Variants in SH3RF2 observed in about 807,000 individuals in gnomAD.
SH3RF2 encodes the protein SH3 domain containing ring finger 2.
In SH3RF2, 43 loss-of-function variants were observed where a neutral mutation model predicts 59.0. The ratio of observed to expected loss-of-function variants is 0.73; its 90% CI spans 0.57 to 0.94. The LOEUF (loss-of-function observed/expected upper bound fraction) is 0.94. SH3RF2 is among the 40% of genes least tolerant of loss of function. SH3RF2 has a pLI of 0.00. For missense variants in SH3RF2, 930 were observed against 940.1 expected (o/e 0.99, Z 0.14); for synonymous variants, 391 against 391.5 (o/e 1.00, Z 0.01).
exon 10 of SH3RF2, chr5:146,081,415 A>G (rs1236842431): frequency 6.6e-6 from 1 of 152,080 alleles, no homozygotes; most frequent in African/African-American, 2.4e-5. Flanking sequence ...ATTCTGTTTT[A>G]TGTTCTGTGA....
intron 5 of SH3RF2, among the ~76,000 whole-genome samples, chr5:146,022,205 G>A (rs911353488): frequency 5.3e-5 from 8 of 152,042 alleles, no homozygotes; most frequent in African/African-American, 1.5e-4. Context: ...TCCCCTCTTC[G>A]GTTATTTTAT....
At chr5:145,955,668 C>T (rs1025967989) in intron 2 of SH3RF2, among the ~76,000 whole-genome samples, 1 of 152,166 alleles carries the variant, frequency 6.6e-6, no homozygotes, top group African/African-American at 2.4e-5. Context: ...CCCACTCTCC[C>T]TGTCTTTGTC....
chr5:146,029,963 C>T (rs1403826028), intron 5 of SH3RF2, among the ~76,000 whole-genome samples: 1 of 152,174 alleles, frequency 6.6e-6, no homozygotes, highest in Non-Finnish European at 1.5e-5. Flanking sequence ...GAAAATTGCA[C>T]AACTAAATGC....
chr5:145,960,413 G>A (rs1449881284), intron 2 of SH3RF2, among the ~76,000 whole-genome samples: 1 of 152,194 alleles, frequency 6.6e-6, no homozygotes, highest in African/African-American at 2.4e-5. Context: ...TACCGGCCTA[G>A]AAAAGAAGGA....
chr5:145,936,798 T>G (rs1757605652), intron 1 of SH3RF2, 104 bp downstream of exon 1: 1 of 152,324 alleles, frequency 6.6e-6, no homozygotes, highest in Non-Finnish European at 1.5e-5. Context: ...GTCGTGTCTG[T>G]CCTGCTTACT....
chr5:146,018,679 T>C (rs768920419), intron 5 of SH3RF2, among the ~76,000 whole-genome samples: 1 of 152,154 alleles, frequency 6.6e-6, no homozygotes, highest in African/African-American at 2.4e-5. Flanking sequence ...ATGGTAGATC[T>C]ATTTTCAGTT....
intron 4 of SH3RF2, among the ~76,000 whole-genome samples, chr5:146,011,628 TTC>T (rs1413099022): frequency 3.3e-5 from 5 of 152,336 alleles, no homozygotes; most frequent in African/African-American, 1.2e-4. Context: ...AGGTATTTTA[TTC>T]TCTTTGAAGC....
intron 2 of SH3RF2, among the ~76,000 whole-genome samples, chr5:145,947,254 A>C (rs888815097): frequency 6.6e-6 from 1 of 151,844 alleles, no homozygotes; most frequent in African/African-American, 2.4e-5. Flanking sequence ...ATGTATTCCA[A>C]TTTTCTGCTG....
chr5:146,010,653 G>C (rs928885148), intron 4 of SH3RF2, among the ~76,000 whole-genome samples: 1 of 152,160 alleles, frequency 6.6e-6, no homozygotes, highest in African/African-American at 2.4e-5. Context: ...TTTTTCATGT[G>C]TCTTTTTGCT....
intron 2 of SH3RF2, among the ~76,000 whole-genome samples, chr5:145,968,126 T>C (rs954748644): frequency 2.6e-5 from 4 of 152,254 alleles, no homozygotes; most frequent in Non-Finnish European, 5.9e-5. Flanking sequence ...AGAGGGTCCA[T>C]GATACCCAAA....
chr5:146,070,696 C>G (rs1185936588), intron 9 of SH3RF2, among the ~76,000 whole-genome samples: 1 of 152,160 alleles, frequency 6.6e-6, no homozygotes, highest in African/African-American at 2.4e-5. Context: ...TCTGCAGGAA[C>G]AAAAGGGCTC....
In SH3RF2 at chr5:145,999,911, C is replaced by A. The variant is rs1760328771; in HGVS notation, c.379-147C>A. 7 of 823,602 alleles carry A rather than the reference C, an allele frequency of 8.5e-6. No individual in the cohort carries two copies. In the South Asian group the frequency reaches 1.3e-4, roughly 16 times the overall value. The allele number at this position is 823,602 out of a possible 1,614,324, so 51.0% of individuals were successfully genotyped here. A position where few individuals can be genotyped will look rare whatever the true frequency, so the allele number is the denominator to read the frequency against. On this transcript the variant is annotated intron_variant, in intron 2 of 9. Transcript: ENST00000359120. ...ATGGCGCTGATAGACCTATTTAACA[C>A]AGGTTGCCATAAACCTTTGATTTGT... is the stretch of plus-strand genomic sequence containing the variant.
At chr5:146,014,591 T>C (rs1182226508) in intron 5 of SH3RF2, among the ~76,000 whole-genome samples, 2 of 152,160 alleles carry the variant, frequency 1.3e-5, no homozygotes, top group Admixed American at 6.5e-5. Context: ...AAAATACAAG[T>C]CCTATGCTCA....
At chr5:146,015,467 AAC>A (rs1331399461) in intron 5 of SH3RF2, among the ~76,000 whole-genome samples, 1 of 151,930 alleles carries the variant, frequency 6.6e-6, no homozygotes, top group Non-Finnish European at 1.5e-5. Context: ...CACACACACA[AAC>A]ACACACACTC....
At chr5:146,005,515 G>T (rs1022359964) in intron 4 of SH3RF2, among the ~76,000 whole-genome samples, 7 of 152,154 alleles carry the variant, frequency 4.6e-5, no homozygotes, top group African/African-American at 1.4e-4. Flanking sequence ...GCATTGCACA[G>T]CTTTCAGGGT....
At chr5:145,944,228 C>T (rs1424368593) in intron 2 of SH3RF2, among the ~76,000 whole-genome samples, 1 of 151,660 alleles carries the variant, frequency 6.6e-6, no homozygotes, top group Non-Finnish European at 1.5e-5. Flanking sequence ...GGATGCTCAA[C>T]TAGTATGTAT....
chr5:145,971,542 G>GTATTT (rs1759079379), intron 2 of SH3RF2, among the ~76,000 whole-genome samples: 1 of 152,180 alleles, frequency 6.6e-6, no homozygotes, highest in Non-Finnish European at 1.5e-5. Flanking sequence ...GCTGGCAAAT[G>GTATTT]GCACCAAATA....
At chr5:145,974,711 G>A (rs777632141) in intron 2 of SH3RF2, among the ~76,000 whole-genome samples, 1 of 152,132 alleles carries the variant, frequency 6.6e-6, no homozygotes, top group African/African-American at 2.4e-5. Context: ...AGTAAAACTA[G>A]GAGTCACACT....
intron 3 of SH3RF2, among the ~76,000 whole-genome samples, chr5:146,002,158 G>T (rs1183448765): frequency 6.6e-6 from 1 of 152,142 alleles, no homozygotes; most frequent in Admixed American, 6.6e-5. Flanking sequence ...CGACATTAAA[G>T]AAATAATAAC....
Sources: allele counts gnomAD v4.1 joint callset (sites outside exome capture counted in the v4.1 genomes callset), GRCh38; gene constraint gnomAD v4.1.1; transcripts MANE v1.5; gene names NCBI Gene and HGNC (gene_info 2026-07-23, HGNC 2026-07-21).